SIVA1: variants seen among roughly 807,000 people sequenced by gnomAD.
The protein encoded by SIVA1 is apoptosis regulatory protein Siva.
In SIVA1, 10 loss-of-function variants were observed where a neutral mutation model predicts 19.7. The observed-to-expected ratio is 0.51, with a 90% CI of 0.31 to 0.86. SIVA1 has a LOEUF of 0.86. Among genes scored for constraint, SIVA1 ranks in the 40% least tolerant of loss-of-function variants. The probability of loss-of-function intolerance (pLI) is 0.04; values close to 1 mark genes in which losing one functional copy is unlikely to be tolerated. For synonymous variants in SIVA1, 130 were observed against 106.1 expected (o/e 1.23, Z -1.39); for missense variants, 241 against 245.2 (o/e 0.98, Z 0.11).
intron 1 of SIVA1, among the ~76,000 whole-genome samples, chr14:104,755,346 AG>A (rs1295271577): frequency 6.6e-6 from 1 of 152,198 alleles, no homozygotes; most frequent in African/African-American, 2.4e-5. Flanking sequence ...GCCGAGTGAT[AG>A]GAGAGGGAAC....
intron 3 of SIVA1, chr14:104,758,609 CCTCCCAA>C (rs1273965152): frequency 6.6e-6 from 1 of 151,940 alleles, no homozygotes; most frequent in East Asian, 1.9e-4. Context: ...CCTGTCTCAG[CCTCCCAA>C]GTAGCTGGAG....
intron 2 of SIVA1, 93 bp downstream of exon 2, chr14:104,755,917 C>G (rs1201557652): frequency 8.1e-7 from 1 of 1,241,228 alleles, no homozygotes; most frequent in South Asian, 1.3e-5. Flanking sequence ...GGCTTTTCCT[C>G]CCTGGGTAAG....
chr14:104,754,849 A>G (rs1595224513), intron 1 of SIVA1, among the ~76,000 whole-genome samples: 1 of 152,148 alleles, frequency 6.6e-6, no homozygotes. Context: ...CATGTGAGTT[A>G]CCCTGTCACT....
At chr14:104,757,355 C>G (rs1217991270) in intron 3 of SIVA1, 1 of 400,594 alleles carries the variant, frequency 2.5e-6, no homozygotes, top group Non-Finnish European at 5.0e-6. Flanking sequence ...TTCATCCAGA[C>G]ACATGTGGAA....
At chr14:104,755,604 C>G (rs375824113) in intron 1 of SIVA1, 26 bp from the exon 2 acceptor site, 23 of 1,598,356 alleles carry the variant, frequency 1.4e-5, no homozygotes, top group Non-Finnish European at 1.8e-5. Flanking sequence ...CAGTGAAGGA[C>G]GTGAGAATGA....
chr14:104,757,540 A>G (rs1334842369), intron 3 of SIVA1: 1 of 167,312 alleles, frequency 6.0e-6, no homozygotes, highest in Non-Finnish European at 1.3e-5. Context: ...AGCACCAGGG[A>G]GAAGCGCCGC....
chr14:104,757,086 C>T (rs1194764017), intron 3 of SIVA1: 3 of 404,200 alleles, frequency 7.4e-6, no homozygotes, highest in Non-Finnish European at 1.4e-5. Flanking sequence ...TCCCCCCGTC[C>T]GAGGAGCCCC....
chr14:104,756,208 T>C (rs890612288), intron 2 of SIVA1: 18 of 437,724 alleles, frequency 4.1e-5, no homozygotes, highest in African/African-American at 1.8e-4. Context: ...CAAGTCTGGT[T>C]GGTGTGTCTA....
Position 104,755,764 on chromosome 14 carries a change from C to T in SIVA1, c.253C>T (p.Gln85Ter). ...AGGGGCCCCGAGGGCTGCACGTGGG[C>T]AGATGCTGATTGGACCAGACGGCCG... is the stretch of plus-strand genomic sequence containing the variant. Reference protein sequence around the residue: ...PTGAPRAARGQMLIGPDGRLI... With the variant: ...PTGAPRAARG Residue 85 changes from glutamine (Q) to a stop codon, truncating the protein, a stop_gained, in exon 2 of 4, where the codon CAG becomes TAG. Coordinates refer to ENST00000329967, the MANE Select transcript of SIVA1 (RefSeq NM_006427.4). LOFTEE classifies it high-confidence loss of function. The T allele has an allele frequency of 1.2e-6, 2 of 1,614,120 alleles. No individual in the cohort carries two copies. Among genetic ancestry groups the T allele is most frequent in the Non-Finnish European group, 1.7e-6 (2 of 1,180,040 alleles).
chr14:104,757,013 C>T (rs1358361021), intron 3 of SIVA1: 2 of 550,816 alleles, frequency 3.6e-6, no homozygotes, highest in Non-Finnish European at 6.5e-6. Flanking sequence ...CTGTCTTCAG[C>T]CACTTCCTGT....
Position 104,755,621 on chromosome 14 carries a change from T to G in SIVA1, c.119-9T>G, listed in dbSNP as rs1300336031. 6.2e-7 allele frequency: 1 copy of G among 1,607,578 alleles called. No individual in the cohort carries two copies. Among genetic ancestry groups the G allele is most frequent in the African/African-American group, 1.3e-5 (1 of 74,462 alleles). On this transcript the variant is annotated splice_polypyrimidine_tract_variant and intron_variant, in intron 1 of 3. Transcript: ENST00000329967. ...GTGAAGGACGTGAGAATGATTTATCTTCCCCCAGAGAAGACCAAGCGACTC... is the reference window on the plus strand; with the variant it reads ...GTGAAGGACGTGAGAATGATTTATCGTCCCCCAGAGAAGACCAAGCGACTC...
chr14:104,756,333 A>G, intron 2 of SIVA1: 1 of 546,888 alleles, frequency 1.8e-6, no homozygotes, highest in Non-Finnish European at 3.3e-6. Flanking sequence ...TTCCAGCACT[A>G]GCCTCCAGGT....
At chr14:104,758,498 T>TTTC (rs1180928041) in intron 3 of SIVA1, 2 of 151,568 alleles carry the variant, frequency 1.3e-5, no homozygotes, top group East Asian at 3.9e-4. Context: ...TTTCTTTTTT[T>TTTC]TTTTTTTTTG....
At position 104,753,179 on chromosome 14, in the gene SIVA1, G is replaced by A. The variant is rs777352338; in HGVS notation, c.-23G>A. On this transcript the variant is annotated 5_prime_UTR_variant, in exon 1 of 4. Coordinates refer to ENST00000329967, the MANE Select transcript of SIVA1 (RefSeq NM_006427.4). ...GTAAGGGGCTGGCGGCCGGGGAGCT[G>A]CGTAGCTCCCGGCCCCGCGGCCATG... 4.1e-6 allele frequency: 6 copies of A among 1,474,982 alleles called. No homozygotes were observed. The highest frequency in any genetic ancestry group is 1.4e-5 in the African/African-American group (1 of 70,072). 91.4% of individuals were successfully genotyped at this position (1,474,982 alleles called of 1,614,324 possible). A position where few individuals can be genotyped will look rare whatever the true frequency, so the allele number is the denominator to read the frequency against.
In SIVA1 at chr14:104,756,674, T is replaced by A; in HGVS notation, c.384T>A (p.Gly128=). The change falls in exon 3 of 4, where the codon GGT becomes GGA. Residue 128 remains glycine (G), a synonymous_variant. Transcript: ENST00000329967. ...CCGTGGATGGGAAGGCGGTCTGCGG[T>A]CAGTGTGAGCGAGCCCTGTGCGGGC... ...VRAVDGKAVC[G]QCERALCGQC... 6.2e-7 allele frequency: 1 copy of A among 1,614,186 alleles called. No individual in the cohort carries two copies. The highest frequency in any genetic ancestry group is 1.7e-4 in the Middle Eastern group (1 of 6,060).
At chr14:104,756,100 C>T (rs1243490456) in intron 2 of SIVA1, 6 of 581,732 alleles carry the variant, frequency 1.0e-5, no homozygotes, top group Non-Finnish European at 9.4e-6. Flanking sequence ...CAGATAGTCC[C>T]ACAAGGCTGG....
intron 3 of SIVA1, chr14:104,757,413 T>C (rs1891930321): frequency 3.4e-6 from 1 of 295,356 alleles, no homozygotes; most frequent in Non-Finnish European, 6.9e-6. Flanking sequence ...ATGTCTGAAA[T>C]TGTCCATCTA....
intron 1 of SIVA1, among the ~76,000 whole-genome samples, 153 bp from the exon 2 acceptor site, chr14:104,755,477 C>T (rs1236536362): frequency 6.6e-6 from 1 of 152,196 alleles, no homozygotes; most frequent in Non-Finnish European, 1.5e-5. Context: ...CAGGACCCAG[C>T]TCGCCAGGGC....
At chr14:104,753,388 C>G in intron 1 of SIVA1, 69 bp downstream of exon 1, 1 of 1,047,796 alleles carries the variant, frequency 9.5e-7, no homozygotes, top group Non-Finnish European at 1.4e-6. Flanking sequence ...CTCAGCGTCC[C>G]CTCTGAGGCC....
Sources: allele counts gnomAD v4.1 joint callset (sites outside exome capture counted in the v4.1 genomes callset), GRCh38; gene constraint gnomAD v4.1.1; transcripts MANE v1.5; gene names NCBI Gene and HGNC (gene_info 2026-07-23, HGNC 2026-07-21).